The following M1AP variants were observed in gnomAD, a reference collection of about 807,000 sequenced individuals.
M1AP encodes meiosis 1 arrest protein.
A neutral mutation model predicts 51.2 loss-of-function variants in M1AP; 39 were observed. The ratio of observed to expected loss-of-function variants is 0.76; its 90% confidence interval spans 0.59 to 1.00. M1AP has a LOEUF of 1.00. M1AP is among the 50% of genes least tolerant of loss of function. M1AP has a pLI of 0.00. For synonymous variants in M1AP, 251 were observed against 249.2 expected, an observed-to-expected ratio of 1.01 and a Z score of -0.07; for missense variants, 545 against 641.2, an observed-to-expected ratio of 0.85 and a Z score of 1.62.
chr2:74,569,693 A>G (rs1678609561), intron 7 of M1AP, among the ~76,000 whole-genome samples: 1 of 152,042 alleles, frequency 6.6e-6, no homozygotes, highest in African/African-American at 2.4e-5. Flanking sequence ...CTCTACTTCT[A>G]TTGATTAAAG....
intron 5 of M1AP, among the ~76,000 whole-genome samples, chr2:74,580,288 C>G (rs1679321719): frequency 6.6e-6 from 1 of 152,178 alleles, no homozygotes; most frequent in South Asian, 2.1e-4. Context: ...TAGCTATACA[C>G]TAGCTTCTAT....
intron 4 of M1AP, among the ~76,000 whole-genome samples, chr2:74,603,861 G>A (rs1168397602): frequency 6.6e-6 from 1 of 152,188 alleles, no homozygotes; most frequent in Admixed American, 6.5e-5. Flanking sequence ...TGAGATGGGA[G>A]GGGGAGGAAG....
intron 4 of M1AP, among the ~76,000 whole-genome samples, chr2:74,584,448 C>CAAAAAAAAAAAA (rs772920948): frequency 1.4e-5 from 1 of 73,574 alleles, no homozygotes; most frequent in Non-Finnish European, 2.8e-5. Flanking sequence ...GTCTCAGTTG[C>CAAAAAAAAAAAA]AAAAAAAAAA....
At chr2:74,565,827 A>T (rs1172236811) in intron 7 of M1AP, among the ~76,000 whole-genome samples, 11 of 16,270 alleles carry the variant, frequency 6.8e-4, no homozygotes, top group Middle Eastern at 0.036. Context: ...AGATGCCGTC[A>T]CACACACACA....
intron 5 of M1AP, among the ~76,000 whole-genome samples, chr2:74,578,511 G>A (rs1474616232): frequency 1.3e-5 from 2 of 152,002 alleles, no homozygotes; most frequent in Non-Finnish European, 2.9e-5. Context: ...CCTGGGTTAA[G>A]AAATACCCAA....
chr2:74,647,930 G>C (rs1011870252), intron 1 of M1AP: 3 of 770,842 alleles, frequency 3.9e-6, no homozygotes, highest in African/African-American at 3.8e-5. Context: ...AAAAATTCTC[G>C]TGGCTCCCTG....
chr2:74,580,612 A>T (rs1009746248), intron 5 of M1AP, among the ~76,000 whole-genome samples: 1 of 152,230 alleles, frequency 6.6e-6, no homozygotes, highest in Non-Finnish European at 1.5e-5. Context: ...CAATGGTCAT[A>T]AAGAGTTCTA....
intron 2 of M1AP, chr2:74,615,463 G>T (rs745932094): frequency 9.1e-5 from 27 of 297,418 alleles, no homozygotes; most frequent in Non-Finnish European, 1.5e-4. Context: ...TTACTTTGGG[G>T]TGACCTGCAA....
chr2:74,596,475 A>G (rs1160652095), intron 4 of M1AP, among the ~76,000 whole-genome samples: 1 of 151,990 alleles, frequency 6.6e-6, no homozygotes, highest in East Asian at 1.9e-4. Context: ...CCAGCTACTC[A>G]GGAGGCTGAG....
intron 2 of M1AP, chr2:74,618,956 A>G (rs1321122871): frequency 3.7e-6 from 2 of 535,156 alleles, no homozygotes; most frequent in Non-Finnish European, 7.7e-6. Context: ...TCTTGTGACA[A>G]TGTCTTCATC....
Position 74,576,726 on chromosome 2 carries a change from TC to T in M1AP, c.770-109del, listed in dbSNP as rs1679098810. ...TTAAGAGACAACATCTGCTACCCAT[TC>T]CATCTCTACCAGGCAAGCAAGGGAT... is the stretch of plus-strand genomic sequence containing the variant. On this transcript the variant is annotated intron_variant, in intron 5 of 10. Transcript: ENST00000421985. 2.0e-5 allele frequency: 27 copies of T among 1,335,702 alleles called. No individual in the cohort carries two copies. In the East Asian group the frequency reaches 6.6e-4, roughly 33 times the overall value. The allele number at this position is 1,335,702 out of a possible 1,614,324, so 82.7% of individuals were successfully genotyped here.
chr2:74,621,106 C>T (rs1417492072), intron 2 of M1AP: 1 of 151,402 alleles, frequency 6.6e-6, no homozygotes, highest in Non-Finnish European at 1.5e-5. Flanking sequence ...GAAACCCCGT[C>T]TCTACTAAAA....
chr2:74,582,135 A>G (rs1679445018), intron 4 of M1AP, among the ~76,000 whole-genome samples: 1 of 152,114 alleles, frequency 6.6e-6, no homozygotes, highest in Non-Finnish European at 1.5e-5. Flanking sequence ...AGGTCTCGCT[A>G]TGTTGCTCAG....
chr2:74,601,430 G>A (rs1011239668), intron 4 of M1AP, among the ~76,000 whole-genome samples: 31 of 152,144 alleles, frequency 2.0e-4, no homozygotes, highest in African/African-American at 7.5e-4. Flanking sequence ...CATGTGTAAG[G>A]AGGGCAATTC....
At chr2:74,562,174 A>G in intron 8 of M1AP, 43 bp downstream of exon 8, 1 of 1,555,804 alleles carries the variant, frequency 6.4e-7, no homozygotes, top group Non-Finnish European at 8.7e-7. Context: ...CTCAAACTCC[A>G]TTCGCTTCTA....
intron 4 of M1AP, among the ~76,000 whole-genome samples, chr2:74,606,318 T>C (rs1411208352): frequency 2.0e-5 from 3 of 152,236 alleles, no homozygotes; most frequent in Non-Finnish European, 4.4e-5. Context: ...GTGACTCCCC[T>C]GGTCATTAGC....
intron 1 of M1AP, among the ~76,000 whole-genome samples, chr2:74,641,407 C>A (rs1197592956): frequency 2.0e-5 from 3 of 152,014 alleles, no homozygotes; most frequent in African/African-American, 7.3e-5. Flanking sequence ...AATGCTCAAA[C>A]GTGAAAAGGG....
chr2:74,602,410 A>G (rs886813340), intron 4 of M1AP, among the ~76,000 whole-genome samples: 3 of 152,222 alleles, frequency 2.0e-5, no homozygotes, highest in African/African-American at 4.8e-5. Flanking sequence ...AAATTTTCAA[A>G]AATATTAATA....
At chr2:74,568,795 A>G (rs887840167) in intron 7 of M1AP, among the ~76,000 whole-genome samples, 13 of 152,058 alleles carry the variant, frequency 8.5e-5, no homozygotes, top group African/African-American at 2.9e-4. Flanking sequence ...TCAGTGGAAA[A>G]CTCTGGAGGG....
Sources: gnomAD v4.1 joint callset for allele counts (sites outside exome capture counted in the v4.1 genomes callset) on GRCh38, gnomAD v4.1.1 for gene constraint, MANE v1.5 for transcripts, NCBI Gene and HGNC (gene_info 2026-07-23, HGNC 2026-07-21) for gene names.